PAFAH1B2: variants seen among roughly 807,000 people sequenced by gnomAD.
PAFAH1B2 encodes the protein platelet-activating factor acetylhydrolase IB subunit alpha2.
In PAFAH1B2, 8 loss-of-function variants were observed where a neutral mutation model predicts 28.0. The ratio of observed to expected loss-of-function variants is 0.29; its 90% CI spans 0.17 to 0.52. PAFAH1B2 has a LOEUF of 0.52. PAFAH1B2 is among the 20% of genes least tolerant of loss of function. The pLI is 0.97. For synonymous variants in PAFAH1B2, 104 were observed against 103.2 expected, an observed-to-expected ratio of 1.01 and a Z score of -0.05; for missense variants, 190 against 282.6, an observed-to-expected ratio of 0.67 and a Z score of 2.35.
chr11:117,167,723 C>T lies in PAFAH1B2; in HGVS notation c.*24C>T, dbSNP rs1956544416. On this transcript the variant is annotated 3_prime_UTR_variant, in exon 6 of 6. Transcript: ENST00000527958. ...GACTGGCTCTTATCAGTGTTAATAG[C>T]ATCTCAGCTTCCTCAGATCAGTTCT... is the stretch of plus-strand genomic sequence containing the variant. 5 of 1,496,078 alleles carry T rather than the reference C, an allele frequency of 3.3e-6. No homozygotes were observed. The highest frequency in any genetic ancestry group is 4.5e-6 in the Non-Finnish European group (5 of 1,118,198). 92.7% of individuals were successfully genotyped at this position (1,496,078 alleles called of 1,614,324 possible). A position where few individuals can be genotyped will look rare whatever the true frequency, so the allele number is the denominator to read the frequency against.
downstream of PAFAH1B2, chr11:117,175,162 A>G (rs2029903726): frequency 8.6e-7 from 1 of 1,167,008 alleles, no homozygotes; most frequent in Non-Finnish European, 1.1e-6. Flanking sequence ...CTTGAGGGCC[A>G]CGGTTAGGGT....
intron 1 of PAFAH1B2, among the ~76,000 whole-genome samples, chr11:117,150,669 A>G (rs777602510): frequency 3.9e-5 from 6 of 152,154 alleles, no homozygotes; most frequent in Non-Finnish European, 7.3e-5. Context: ...AAATATGTAT[A>G]TTGAATGAAT....
At chr11:117,172,381 TATATA>T (rs1956680677), downstream of PAFAH1B2, among the ~76,000 whole-genome samples, 1 of 5,458 alleles carries the variant, frequency 1.8e-4, no homozygotes, top group Non-Finnish European at 3.2e-4. Flanking sequence ...TATATATATA[TATATA>T]TATATATATA....
rs899705791 is a variant in PAFAH1B2 at position 117,169,393 on chromosome 11, T to C, written c.*1694T>C. Reference sequence around the variant, plus strand: ...ATTTTGAACTGGACCAGGTGGGTATTGAAGTAACCCATCAAAATATGCTCT... The same window carrying C: ...ATTTTGAACTGGACCAGGTGGGTATCGAAGTAACCCATCAAAATATGCTCT... On this transcript the variant is annotated 3_prime_UTR_variant, in exon 6 of 6. Coordinates refer to ENST00000527958, the MANE Select transcript of PAFAH1B2 (RefSeq NM_002572.4). The C allele has an allele frequency of 9.5e-7, 1 of 1,051,876 alleles. No homozygotes were observed. The highest frequency in any genetic ancestry group is 1.1e-6 in the Non-Finnish European group (1 of 870,842). The allele number at this position is 1,051,876 out of a possible 1,614,324, so 65.2% of individuals were successfully genotyped here. A position where few individuals can be genotyped will look rare whatever the true frequency, so the allele number is the denominator to read the frequency against.
At chr11:117,172,910 C>T (rs956089119), downstream of PAFAH1B2, among the ~76,000 whole-genome samples, 3 of 152,164 alleles carry the variant, frequency 2.0e-5, no homozygotes, top group Non-Finnish European at 4.4e-5. Flanking sequence ...GCCATGTTTA[C>T]CAGGCTGGTC....
exon 6 of PAFAH1B2, chr11:117,176,450 T>TA: frequency 4.8e-6 from 1 of 206,874 alleles, no homozygotes; most frequent in East Asian, 7.4e-5. Context: ...AGGCTCCAGA[T>TA]AGTTGGGCAG....
At chr11:117,159,367 G>A (rs1956319951) in intron 2 of PAFAH1B2, 1 of 152,202 alleles carries the variant, frequency 6.6e-6, no homozygotes, top group Non-Finnish European at 1.5e-5. Flanking sequence ...AACAGTAACT[G>A]GTTGAACAGC....
downstream of PAFAH1B2, chr11:117,175,300 CT>C (rs991060828): frequency 1.2e-5 from 13 of 1,072,016 alleles, no homozygotes; most frequent in African/African-American, 1.3e-4. Context: ...ACACCACTGC[CT>C]TTTTTTGCTG....
intron 1 of PAFAH1B2, among the ~76,000 whole-genome samples, chr11:117,151,420 G>A (rs891109365): frequency 2.6e-5 from 4 of 151,704 alleles, no homozygotes; most frequent in Admixed American, 6.6e-5. Context: ...TAGTAGAGAC[G>A]GGGTTTCACT....
rs1187504272 is a variant in PAFAH1B2, at chr11:117,170,274, C to A, written c.*2575C>A. 1.8e-5 allele frequency: 19 copies of A among 1,062,458 alleles called. No homozygotes were observed. In the African/African-American group the frequency reaches 3.1e-4, roughly 18 times the overall value. 65.8% of individuals were successfully genotyped at this position (1,062,458 alleles called of 1,614,324 possible). On this transcript the variant is annotated 3_prime_UTR_variant, in exon 6 of 6. Coordinates refer to ENST00000527958, the MANE Select transcript of PAFAH1B2 (RefSeq NM_002572.4). The stretch of plus-strand genomic sequence containing the variant: ...GTTGTCATTGTGATTAAGGGGCCAA[C>A]TTTCCAGGCAGCTAGCAGAGATACT...
At chr11:117,163,648 G>C in intron 4 of PAFAH1B2, 122 bp from the exon 5 acceptor site, 1 of 983,334 alleles carries the variant, frequency 1.0e-6, no homozygotes, top group Non-Finnish European at 1.5e-6. Flanking sequence ...ACTCCAGTCT[G>C]GGTGATAGAG....
chr11:117,165,743 A>G (rs771800897), intron 5 of PAFAH1B2, among the ~76,000 whole-genome samples: 6 of 152,158 alleles, frequency 3.9e-5, no homozygotes, highest in South Asian at 4.1e-4. Flanking sequence ...AGGCTTGTAC[A>G]TGTATGTGTT....
intron 2 of PAFAH1B2, among the ~76,000 whole-genome samples, chr11:117,156,291 T>G (rs765500502): frequency 3.9e-5 from 6 of 152,212 alleles, no homozygotes; most frequent in Admixed American, 6.5e-5. Flanking sequence ...ACGGCTACCA[T>G]TTATCAAGTA....
At chr11:117,162,343 G>A (rs1455157923) in intron 4 of PAFAH1B2, among the ~76,000 whole-genome samples, 1 of 151,752 alleles carries the variant, frequency 6.6e-6, no homozygotes. Flanking sequence ...GTCTTGTTAT[G>A]TTGCCTAGGC....
At chr11:117,153,928 CT>C (rs111809381) in intron 2 of PAFAH1B2, among the ~76,000 whole-genome samples, 2,585 of 140,916 alleles carry the variant, frequency 0.018, 54 homozygotes, top group African/African-American at 0.054. Context: ...TTTTTCTTTT[CT>C]TTTTTTTTTT....
intron 2 of PAFAH1B2, among the ~76,000 whole-genome samples, chr11:117,156,376 A>G (rs998995025): frequency 6.6e-6 from 1 of 152,252 alleles, no homozygotes; most frequent in African/African-American, 2.4e-5. Flanking sequence ...GTTAAAACCA[A>G]GACACAAATT....
intron 2 of PAFAH1B2, among the ~76,000 whole-genome samples, chr11:117,155,421 T>C (rs58543823): frequency 0.025 from 3,802 of 152,238 alleles, 169 homozygotes; most frequent in African/African-American, 0.086. Context: ...AATAAAAATA[T>C]CCTAAAGGAA....
intron 5 of PAFAH1B2, among the ~76,000 whole-genome samples, chr11:117,166,643 A>G (rs1270150278): frequency 6.6e-6 from 1 of 152,192 alleles, no homozygotes; most frequent in Non-Finnish European, 1.5e-5. Flanking sequence ...AAGGGCTACA[A>G]GAAGACAAAA....
intron 2 of PAFAH1B2, among the ~76,000 whole-genome samples, chr11:117,154,421 T>C (rs1201656266): frequency 6.6e-6 from 1 of 152,222 alleles, no homozygotes; most frequent in Non-Finnish European, 1.5e-5. Context: ...CACAAATATT[T>C]TAAAAATTTT....
Sources: allele counts gnomAD v4.1 joint callset (sites outside exome capture counted in the v4.1 genomes callset), GRCh38; gene constraint gnomAD v4.1.1; transcripts MANE v1.5; gene names NCBI Gene and HGNC (gene_info 2026-07-23, HGNC 2026-07-21).